The following CNTNAP3 variants were observed in gnomAD, a reference collection of about 807,000 sequenced individuals.
CNTNAP3 encodes the protein contactin-associated protein-like 3.
A neutral mutation model predicts 92.1 loss-of-function variants in CNTNAP3; 36 were observed. That is an observed-to-expected ratio of 0.39 (90% CI 0.30 to 0.52). The LOEUF (loss-of-function observed/expected upper bound fraction) is 0.52, where lower values mean the gene tolerates loss of function less well. Among genes scored for constraint, CNTNAP3 ranks in the 20% least tolerant of loss-of-function variants. CNTNAP3 has a pLI of 0.76. For missense variants in CNTNAP3, 534 were observed against 1,069.6 expected, an observed-to-expected ratio of 0.50 and a Z score of 6.98; for synonymous variants, 232 against 422.3, an observed-to-expected ratio of 0.55 and a Z score of 5.53.
At chr9:39,089,046 T>C (rs1231300949) in intron 18 of CNTNAP3, among the ~76,000 whole-genome samples, 1 of 152,206 alleles carries the variant, frequency 6.6e-6, no homozygotes, top group African/African-American at 2.4e-5. Flanking sequence ...ATATGCCATG[T>C]AATAGACCCA....
Position 39,152,768 on chromosome 9 carries a change from G to A in CNTNAP3, c.1478-2791C>T, listed in dbSNP as rs1193741381. On this transcript the variant is annotated intron_variant, in intron 9 of 23. Coordinates refer to ENST00000297668, the MANE Select transcript of CNTNAP3 (RefSeq NM_033655.5). ...CCACCCAGGTTCACAGCATTCTCCTGCCTCAGCCTCCCGAGTGGCTGGGAC... is the reference window on the plus strand; with the variant it reads ...CCACCCAGGTTCACAGCATTCTCCTACCTCAGCCTCCCGAGTGGCTGGGAC... 1.5e-5 allele frequency among the ~76,000 whole-genome samples: 2 copies of A among 137,014 alleles called. 1 individual carries two copies. The highest frequency in any genetic ancestry group is 3.1e-5 in the Non-Finnish European group (2 of 64,872). 89.9% of individuals were successfully genotyped at this position (137,014 alleles called of 152,430 possible).
intron 15 of CNTNAP3, among the ~76,000 whole-genome samples, chr9:39,107,425 T>C (rs1396599979): frequency 6.6e-6 from 1 of 150,960 alleles, no homozygotes; most frequent in Non-Finnish European, 1.5e-5. Flanking sequence ...GCCATCTGAA[T>C]GGGATGGAGG....
rs1343709518 is a variant in CNTNAP3 at position 39,168,022 on chromosome 9, G to A, written c.1334-1946C>T. Among the ~76,000 whole-genome samples the A allele has an allele frequency of 3.6e-5, 5 of 137,152 alleles. 1 individual carries two copies. In the South Asian group the frequency reaches 6.8e-4, roughly 19 times the overall value. The allele number at this position is 137,152 out of a possible 152,430, so 90.0% of individuals were successfully genotyped here. On this transcript the variant is annotated intron_variant, in intron 8 of 23. Coordinates refer to ENST00000297668, the MANE Select transcript of CNTNAP3 (RefSeq NM_033655.5). ...TTACCTTGAGTTTTTTTTTGTTTTT[G>A]TTTTTTTTTTTTGAGATGGAGTCTC...
chr9:39,140,592 C>A lies in CNTNAP3; in HGVS notation c.1803G>T (p.Pro601=). ...SCEAHKHRGN[P]SGLYYIDADG... Reference sequence around the variant, plus strand: ...CTGCATCAATATAGTAAAGCCCAGACGGGTTCCCTCGGTGCTTGTGGGCTT... The same window carrying A: ...CTGCATCAATATAGTAAAGCCCAGAAGGGTTCCCTCGGTGCTTGTGGGCTT... The change falls in exon 12 of 24, where the codon CCG becomes CCT. Residue 601 remains proline, a synonymous_variant. Coordinates refer to ENST00000297668, the MANE Select transcript of CNTNAP3 (RefSeq NM_033655.5). 1.2e-6 allele frequency: 2 copies of A among 1,613,016 alleles called. No homozygotes were observed. The highest frequency in any genetic ancestry group is 2.2e-5 in the East Asian group (1 of 44,832).
Position 39,143,515 on chromosome 9 carries a change from C to T in CNTNAP3, c.1756+725G>A, listed in dbSNP as rs575810550. 1.7e-3 allele frequency among the ~76,000 whole-genome samples: 253 copies of T among 152,214 alleles called. 1 individual carries two copies. The highest frequency in any genetic ancestry group is 5.4e-3 in the African/African-American group (226 of 41,520). ...ACTAGCTGGGGGCCAAGTTACTTAA[C>T]CTCTTTCTGTCCTCAACTCTGCAAT... On this transcript the variant is annotated intron_variant, in intron 11 of 23. Coordinates refer to ENST00000297668, the MANE Select transcript of CNTNAP3 (RefSeq NM_033655.5).
chr9:39,183,857 CA>C (rs992002599), intron 4 of CNTNAP3, among the ~76,000 whole-genome samples: 1 of 132,676 alleles, frequency 7.5e-6, no homozygotes, highest in Non-Finnish European at 1.6e-5. Context: ...ACCTTATTGC[CA>C]AAAAATCAAG....
chr9:39,123,083 G>A (rs964339848), intron 13 of CNTNAP3, among the ~76,000 whole-genome samples: 6 of 150,192 alleles, frequency 4.0e-5, no homozygotes, highest in African/African-American at 1.5e-4. Flanking sequence ...CCAAACTGTT[G>A]GACAATAATT....
intron 9 of CNTNAP3, among the ~76,000 whole-genome samples, chr9:39,150,239 G>A (rs1821812179): frequency 6.6e-6 from 1 of 150,504 alleles, no homozygotes; most frequent in East Asian, 2.0e-4. Context: ...CCAACCAAGT[G>A]AAAAGAGGTT....
chr9:39,096,335 T>C (rs1826325049), intron 18 of CNTNAP3, among the ~76,000 whole-genome samples: 1 of 148,622 alleles, frequency 6.7e-6, no homozygotes, highest in Admixed American at 6.7e-5. Context: ...TTCTTTGTTA[T>C]TTCCTCTAAT....
intron 12 of CNTNAP3, chr9:39,139,609 G>A (rs1267503138): frequency 3.3e-5 from 5 of 152,130 alleles, no homozygotes; most frequent in African/African-American, 1.2e-4. Flanking sequence ...CACAATAAAT[G>A]AGAACAGTTT....
chr9:39,132,907 T>C (rs1428576866), intron 13 of CNTNAP3, 25 bp downstream of exon 13: 2 of 1,533,172 alleles, frequency 1.3e-6, no homozygotes, highest in Admixed American at 4.0e-5. Flanking sequence ...CGTGAACCCC[T>C]GTAGCCTCCA....
rs1758271 is a variant in CNTNAP3 at position 39,133,111 on chromosome 9, T to C, written c.1901A>G (p.Gln634Arg). The C allele has an allele frequency of 5.9e-5, 93 of 1,567,258 alleles. No individual in the cohort carries two copies. Among genetic ancestry groups the C allele is most frequent in the Middle Eastern group, 3.8e-4 (2 of 5,224 alleles). The change falls in exon 13 of 24, where the codon CAG becomes CGG. Residue 634 changes from glutamine to arginine, a missense_variant. By Grantham distance (43) the Gln-to-Arg change is conservative. Transcript: ENST00000297668. ...MTADAAWTVV[Q>R]HGGPDAVTLR... ...GGTCACCGCGTCGGGGCCACCGTGC[T>C]GCACCACCGTCCACGCGGCGTCTGC...
rs192448161 is a variant in CNTNAP3, at chr9:39,104,607, G to A, written c.2366-693C>T. ...TCTGTCCAAAACCCATCACAGGACTGCACATCACATGTATTCCTCAGGCCT... is the reference window on the plus strand; with the variant it reads ...TCTGTCCAAAACCCATCACAGGACTACACATCACATGTATTCCTCAGGCCT... On this transcript the variant is annotated intron_variant, in intron 15 of 23. Coordinates refer to ENST00000297668, the MANE Select transcript of CNTNAP3 (RefSeq NM_033655.5). 2.2e-3 allele frequency among the ~76,000 whole-genome samples: 334 copies of A among 152,062 alleles called. 5 individuals are homozygous for A. The highest frequency in any genetic ancestry group is 9.2e-4 in the Admixed American group (14 of 15,256).
intron 9 of CNTNAP3, among the ~76,000 whole-genome samples, chr9:39,161,683 T>C (rs1254430682): frequency 7.2e-6 from 1 of 138,770 alleles, no homozygotes; most frequent in East Asian, 2.2e-4. Flanking sequence ...ATAATAATAA[T>C]AATAATAATA....
At chr9:39,114,897 T>C (rs1820818126) in intron 14 of CNTNAP3, among the ~76,000 whole-genome samples, 2 of 151,446 alleles carry the variant, frequency 1.3e-5, no homozygotes, top group Admixed American at 1.3e-4. Context: ...TTATATGTTA[T>C]ATGTATATTT....
At chr9:39,122,295 C>T (rs1821047499) in intron 13 of CNTNAP3, among the ~76,000 whole-genome samples, 1 of 152,254 alleles carries the variant, frequency 6.6e-6, no homozygotes, top group Admixed American at 6.5e-5. Context: ...GCGGAGCTTG[C>T]AGTGAGCTGA....
At chr9:39,076,680 A>G (rs1054135624) in intron 23 of CNTNAP3, among the ~76,000 whole-genome samples, 3 of 152,304 alleles carry the variant, frequency 2.0e-5, no homozygotes, top group African/African-American at 7.2e-5. Flanking sequence ...TAAGATTTCA[A>G]TAACTCGGCC....
At chr9:39,111,762 C>A (rs1473705559) in intron 14 of CNTNAP3, among the ~76,000 whole-genome samples, 3 of 152,040 alleles carry the variant, frequency 2.0e-5, no homozygotes, top group African/African-American at 4.8e-5. Flanking sequence ...AAGTTTCATT[C>A]CATTTTCAAT....
At chr9:39,111,535 G>A (rs1826747646) in intron 14 of CNTNAP3, among the ~76,000 whole-genome samples, 2 of 152,092 alleles carry the variant, frequency 1.3e-5, no homozygotes, top group Admixed American at 1.3e-4. Flanking sequence ...TCACCATTCA[G>A]CTTTAGAGTG....
Sources: gnomAD v4.1 joint callset for allele counts (sites outside exome capture counted in the v4.1 genomes callset) on GRCh38, gnomAD v4.1.1 for gene constraint, MANE v1.5 for transcripts, NCBI Gene and HGNC (gene_info 2026-07-23, HGNC 2026-07-21) for gene names.